NUP205: variants seen among roughly 807,000 people sequenced by gnomAD.
The protein encoded by NUP205 is nuclear pore complex protein Nup205.
In NUP205, 76 loss-of-function variants were observed where a neutral mutation model predicts 253.8. The observed-to-expected ratio is 0.30, with a 90% CI of 0.25 to 0.36. The LOEUF (loss-of-function observed/expected upper bound fraction) is 0.36, where lower values mean the gene tolerates loss of function less well. NUP205 is among the 10% of genes least tolerant of loss of function. The pLI is 1.00. For missense variants in NUP205, 2,162 were observed against 2,425.5 expected, an observed-to-expected ratio of 0.89 and a Z score of 2.28; for synonymous variants, 832 against 850.1, an observed-to-expected ratio of 0.98 and a Z score of 0.37.
In NUP205 at chr7:135,643,370, A is replaced by G. The variant is rs1283488083; in HGVS notation, c.5559+12A>G. 2 of 1,610,756 alleles carry G rather than the reference A, an allele frequency of 1.2e-6. No individual in the cohort carries two copies. The highest frequency in any genetic ancestry group is 3.3e-5 in the Admixed American group (2 of 59,886). Reference sequence around the variant, plus strand: ...ATGAGATAAAAGAGGTACGAATCTTATAATGAGCTGGGGGGACTTGAGAAA... The same window carrying G: ...ATGAGATAAAAGAGGTACGAATCTTGTAATGAGCTGGGGGGACTTGAGAAA... On this transcript the variant is annotated intron_variant, in intron 39 of 42. Transcript: ENST00000285968.
chr7:135,618,737 T>G (rs1794410398), intron 28 of NUP205, 134 bp downstream of exon 28: 2 of 708,366 alleles, frequency 2.8e-6, no homozygotes, highest in East Asian at 5.4e-5. Flanking sequence ...GTTAAGACTT[T>G]CCTTGAGAAA....
In NUP205 at chr7:135,626,262, A is replaced by G. The variant is rs369836390; in HGVS notation, c.4694A>G (p.Lys1565Arg). 9.1e-5 allele frequency: 147 copies of G among 1,614,158 alleles called. No homozygotes were observed. The highest frequency in any genetic ancestry group is 1.2e-4 in the Non-Finnish European group (141 of 1,180,006). Reference sequence around the variant, plus strand: ...CAGGCATTTCTCACAAGAGTGGCAAAGATACAGCAGGGTGCATTAGAGCTG... The same window carrying G: ...CAGGCATTTCTCACAAGAGTGGCAAGGATACAGCAGGGTGCATTAGAGCTG... ...SKMAFLTRVA[K>R]IQQGALELLR... The change falls in exon 33 of 43, where the codon AAG (lysine) becomes AGG (arginine). Residue 1565 changes from lysine (K) to arginine (R), a missense_variant. Physicochemically the swap from Lys to Arg is conservative, Grantham distance 26 (BLOSUM62 2). Transcript: ENST00000285968.
chr7:135,586,304 A>G (rs1317271038), intron 8 of NUP205, among the ~76,000 whole-genome samples: 4 of 151,936 alleles, frequency 2.6e-5, no homozygotes, highest in African/African-American at 9.7e-5. Context: ...AAAATTGGTA[A>G]TTTGTGTCTT....
intron 1 of NUP205, among the ~76,000 whole-genome samples, chr7:135,563,103 C>G (rs949373906): frequency 6.6e-6 from 1 of 152,154 alleles, no homozygotes; most frequent in Admixed American, 6.5e-5. Flanking sequence ...AGGTCAGAGT[C>G]CCCTATTATG....
At chr7:135,563,159 G>A (rs1386874713) in intron 1 of NUP205, among the ~76,000 whole-genome samples, 2 of 151,808 alleles carry the variant, frequency 1.3e-5, no homozygotes, top group East Asian at 1.9e-4. Context: ...TTCATATCCT[G>A]ACCACAGTTG....
chr7:135,639,562 G>A (rs1262220676), intron 38 of NUP205, among the ~76,000 whole-genome samples: 3 of 151,824 alleles, frequency 2.0e-5, no homozygotes, highest in South Asian at 4.2e-4. Context: ...GCAGTGGCGC[G>A]CGCCTGTAAT....
chr7:135,583,014 T>C (rs1806350269), intron 7 of NUP205, among the ~76,000 whole-genome samples: 2 of 152,166 alleles, frequency 1.3e-5, no homozygotes, highest in South Asian at 2.1e-4. Context: ...CTCTTGAACC[T>C]GGGAGGCGGA....
chr7:135,570,299 C>T (rs1450652835), intron 1 of NUP205, among the ~76,000 whole-genome samples: 1 of 151,844 alleles, frequency 6.6e-6, no homozygotes, highest in African/African-American at 2.4e-5. Flanking sequence ...CTGCAACCTC[C>T]GCCTCCTGGG....
intron 13 of NUP205, chr7:135,597,135 G>GT: frequency 2.3e-6 from 1 of 436,726 alleles, no homozygotes; most frequent in East Asian, 3.4e-5. Flanking sequence ...AAAATGTCTT[G>GT]TGTGCTCTTA....
rs371693836 is a variant in NUP205 at position 135,606,838 on chromosome 7, A to G, written c.2993A>G (p.Asn998Ser). ...LNLLITSLECNPPNLALYLLG... is the reference protein window; with the variant it reads ...LNLLITSLECSPPNLALYLLG... ...CTTCTCATTACCTCTCTGGAATGCA[A>G]TCCACCCAATCTTGCTCTCTACCTG... Residue 998 changes from asparagine to serine, a missense_variant, in exon 21 of 43, where the codon AAT (asparagine) becomes AGT (serine). By Grantham distance (46) the Asn-to-Ser change is conservative. Transcript: ENST00000285968. The G allele has an allele frequency of 2.8e-5, 45 of 1,613,908 alleles. No homozygotes were observed. Among genetic ancestry groups the G allele is most frequent in the South Asian group, 7.7e-5 (7 of 91,078 alleles).
Position 135,585,117 on chromosome 7 carries a change from A to G in NUP205, c.1218+110A>G, listed in dbSNP as rs1208224745. 5.3e-5 allele frequency: 48 copies of G among 898,530 alleles called. No homozygotes were observed. In the East Asian group the frequency reaches 1.3e-3, roughly 24 times the overall value. 55.7% of individuals were successfully genotyped at this position (898,530 alleles called of 1,614,324 possible). A position where few individuals can be genotyped will look rare whatever the true frequency, so the allele number is the denominator to read the frequency against. ...AAACTAATAAAAATTTTTAATACAG[A>G]CTAAAATTTGCCAGTAGCTGTATTA... On this transcript the variant is annotated intron_variant, in intron 8 of 42. Transcript: ENST00000285968.
rs1794906879 is a variant in NUP205, at chr7:135,640,983, T to C, written c.5393-2209T>C. On this transcript the variant is annotated intron_variant, in intron 38 of 42. Transcript: ENST00000285968. The stretch of plus-strand genomic sequence containing the variant: ...AGGAGACTATGGCAGGGGGATCACA[T>C]GAGCCCAGAAGTTCAAGGCTGCAGT... 2.0e-5 allele frequency among the ~76,000 whole-genome samples: 3 copies of C among 151,996 alleles called. 1 individual carries two copies. The South Asian group carries it at 6.2e-4, about 32-fold the overall frequency.
intron 1 of NUP205, among the ~76,000 whole-genome samples, chr7:135,567,123 TGTGTG>T (rs1805787174): frequency 4.0e-3 from 5 of 1,256 alleles, no homozygotes; most frequent in Non-Finnish European, 6.3e-3. Flanking sequence ...GCTCAGTCTA[TGTGTG>T]TATATATATA....
chr7:135,588,040 A>G (rs774426739), intron 10 of NUP205, 48 bp downstream of exon 10: 5 of 1,492,828 alleles, frequency 3.3e-6, no homozygotes, highest in Non-Finnish European at 4.5e-6. Context: ...TGTGATAGAG[A>G]GTCTTGAAAA....
intron 35 of NUP205, among the ~76,000 whole-genome samples, chr7:135,632,629 T>C (rs1355148151): frequency 6.6e-6 from 1 of 152,054 alleles, no homozygotes; most frequent in Non-Finnish European, 1.5e-5. Flanking sequence ...GAGCCTGTGC[T>C]TCTTCCAAGG....
chr7:135,641,856 T>A (rs984599002), intron 38 of NUP205, among the ~76,000 whole-genome samples: 5 of 152,030 alleles, frequency 3.3e-5, no homozygotes, highest in Non-Finnish European at 7.4e-5. Context: ...AGAGCAAAGT[T>A]AAGGGAGTTG....
At chr7:135,603,409 A>C (rs987722528) in intron 18 of NUP205, among the ~76,000 whole-genome samples, 1 of 151,690 alleles carries the variant, frequency 6.6e-6, no homozygotes, top group Admixed American at 6.6e-5. Context: ...CACCGCGCCC[A>C]GCCTTATTTT....
At chr7:135,586,868 A>G (rs928054337) in intron 8 of NUP205, among the ~76,000 whole-genome samples, 1 of 152,166 alleles carries the variant, frequency 6.6e-6, no homozygotes, top group African/African-American at 2.4e-5. Flanking sequence ...TTTTATGTAC[A>G]CCTGAAAGGA....
chr7:135,558,739 A>G (rs1483614688), intron 1 of NUP205, among the ~76,000 whole-genome samples: 1 of 152,196 alleles, frequency 6.6e-6, no homozygotes, highest in African/African-American at 2.4e-5. Context: ...GGATGCAGAA[A>G]GTCCTTCATG....
Sources: gnomAD v4.1 joint callset for allele counts (sites outside exome capture counted in the v4.1 genomes callset) on GRCh38, gnomAD v4.1.1 for gene constraint, MANE v1.5 for transcripts, NCBI Gene and HGNC (gene_info 2026-07-23, HGNC 2026-07-21) for gene names.